The following KCNMA1 variants were observed in gnomAD, a reference collection of about 807,000 sequenced individuals.
KCNMA1 encodes the protein potassium calcium-activated channel subfamily M alpha 1.
A neutral mutation model predicts 140.0 loss-of-function variants in KCNMA1; 29 were observed. The ratio of observed to expected loss-of-function variants is 0.21; its 90% CI spans 0.15 to 0.28. The LOEUF is 0.28. Among genes scored for constraint, KCNMA1 ranks in the 10% least tolerant of loss-of-function variants. The probability of loss-of-function intolerance (pLI) is 1.00; values close to 1 mark genes in which losing one functional copy is unlikely to be tolerated. For synonymous variants in KCNMA1, 612 were observed against 611.9 expected, an observed-to-expected ratio of 1.00 and a Z score of 0.00; for missense variants, 880 against 1,602.2, an observed-to-expected ratio of 0.55 and a Z score of 7.70.
At chr10:77,452,090 A>T (rs1470424469) in intron 1 of KCNMA1, among the ~76,000 whole-genome samples, 1 of 152,208 alleles carries the variant, frequency 6.6e-6, no homozygotes, top group Non-Finnish European at 1.5e-5. Context: ...GTGCTTTTTA[A>T]CAAAATTCAA....
intron 2 of KCNMA1, among the ~76,000 whole-genome samples, chr10:77,337,601 C>T (rs1186768422): frequency 6.6e-6 from 1 of 152,174 alleles, no homozygotes; most frequent in African/African-American, 2.4e-5. Flanking sequence ...GCCTGGGTGA[C>T]AGAGTGAGAC....
intron 2 of KCNMA1, among the ~76,000 whole-genome samples, chr10:77,324,991 G>GTT (rs2083627272): frequency 6.6e-6 from 1 of 151,036 alleles, no homozygotes; most frequent in Admixed American, 6.6e-5. Flanking sequence ...GTGTGTGTGT[G>GTT]TGTGTGTGTG....
At chr10:77,527,557 T>C (rs1410040836) in intron 1 of KCNMA1, among the ~76,000 whole-genome samples, 5 of 152,134 alleles carry the variant, frequency 3.3e-5, no homozygotes, top group East Asian at 3.9e-4. Context: ...GGAGGTCCCA[T>C]GGGCATACCC....
intron 5 of KCNMA1, among the ~76,000 whole-genome samples, chr10:77,170,283 C>T (rs1160043844): frequency 6.6e-6 from 1 of 152,190 alleles, no homozygotes; most frequent in African/African-American, 2.4e-5. Flanking sequence ...CAGGCTTGGG[C>T]CCAGGCCTGG....
At chr10:77,611,811 C>A (rs2087003603) in intron 1 of KCNMA1, among the ~76,000 whole-genome samples, 1 of 152,118 alleles carries the variant, frequency 6.6e-6, no homozygotes, top group Admixed American at 6.5e-5. Flanking sequence ...ACACAGCAAG[C>A]ATTCATGGGG....
chr10:77,224,456 T>A (rs1228139564), intron 3 of KCNMA1, among the ~76,000 whole-genome samples: 3 of 152,154 alleles, frequency 2.0e-5, no homozygotes, highest in African/African-American at 7.2e-5. Context: ...TCTATGACAG[T>A]CTTTACACTA....
chr10:77,375,622 G>T (rs1183678047), intron 2 of KCNMA1, among the ~76,000 whole-genome samples: 1 of 152,176 alleles, frequency 6.6e-6, no homozygotes, highest in African/African-American at 2.4e-5. Context: ...TCAACACAGT[G>T]CCTCAGCCAT....
chr10:77,055,581 G>A (rs1594890282), intron 14 of KCNMA1, among the ~76,000 whole-genome samples: 1 of 151,936 alleles, frequency 6.6e-6, no homozygotes, highest in Non-Finnish European at 1.5e-5. Context: ...AGTAGCAGTG[G>A]TGACAATGCA....
chr10:77,555,915 A>G (rs1603635951), intron 1 of KCNMA1, among the ~76,000 whole-genome samples: 1 of 152,290 alleles, frequency 6.6e-6, no homozygotes, highest in East Asian at 1.9e-4. Context: ...TACATCTTTG[A>G]TCGTCACTAC....
chr10:77,271,580 AAT>A (rs910704203), intron 2 of KCNMA1, among the ~76,000 whole-genome samples: 2 of 152,252 alleles, frequency 1.3e-5, no homozygotes, highest in African/African-American at 4.8e-5. Flanking sequence ...TGAGTAAGTT[AAT>A]ATGTTTGTAA....
chr10:77,633,868 A>G (rs1002498257), intron 1 of KCNMA1, among the ~76,000 whole-genome samples: 1 of 152,204 alleles, frequency 6.6e-6, no homozygotes, highest in African/African-American at 2.4e-5. Context: ...AGAGAAGTAG[A>G]CCACATGCTG....
chr10:77,394,750 A>G (rs2095978244), intron 2 of KCNMA1, among the ~76,000 whole-genome samples: 2 of 152,148 alleles, frequency 1.3e-5, no homozygotes. Flanking sequence ...TCTATTACCT[A>G]TGCCATAGGT....
intron 1 of KCNMA1, among the ~76,000 whole-genome samples, chr10:77,458,664 G>A (rs1436665306): frequency 1.3e-5 from 2 of 152,214 alleles, no homozygotes; most frequent in South Asian, 2.1e-4. Context: ...ACCAGCTGGG[G>A]AGTGGGGAAA....
chr10:76,923,808 C>A (rs546580045), intron 23 of KCNMA1, among the ~76,000 whole-genome samples: 1 of 151,978 alleles, frequency 6.6e-6, no homozygotes, highest in East Asian at 1.9e-4. Context: ...CATGGTGAAA[C>A]CTCGTCTCTA....
rs2098608619 is a variant in KCNMA1, at chr10:77,164,371, G to T, written c.808+19050C>A. 2.0e-5 allele frequency among the ~76,000 whole-genome samples: 3 copies of T among 152,102 alleles called. No individual in the cohort carries two copies. In the South Asian group the frequency reaches 6.2e-4, roughly 32 times the overall value. ...AGAGATGACCTTGACTTCATAAATTGGCCATAAATTAGAGCTAAGAATCAG... is the reference window on the plus strand; with the variant it reads ...AGAGATGACCTTGACTTCATAAATTTGCCATAAATTAGAGCTAAGAATCAG... On this transcript the variant is annotated intron_variant, in intron 5 of 27. Coordinates refer to ENST00000286628, the MANE Select transcript of KCNMA1 (RefSeq NM_001161352.2).
At chr10:77,406,594 G>A (rs1426708634) in intron 1 of KCNMA1, among the ~76,000 whole-genome samples, 2 of 152,054 alleles carry the variant, frequency 1.3e-5, no homozygotes, top group East Asian at 3.9e-4. Flanking sequence ...GCCTACTTTG[G>A]GGACCACAGC....
chr10:77,171,979 T>G (rs992810866), intron 5 of KCNMA1, among the ~76,000 whole-genome samples: 3 of 152,198 alleles, frequency 2.0e-5, no homozygotes, highest in African/African-American at 7.2e-5. Flanking sequence ...AGAGGCAAGA[T>G]CTATGTTTTC....
chr10:77,411,848 A>T (rs1239031626), intron 1 of KCNMA1, among the ~76,000 whole-genome samples: 1 of 152,208 alleles, frequency 6.6e-6, no homozygotes, highest in African/African-American at 2.4e-5. Context: ...TCACATTGGA[A>T]ATGAGCGTGG....
At chr10:77,331,217 C>G (rs2086286292) in intron 2 of KCNMA1, among the ~76,000 whole-genome samples, 1 of 152,188 alleles carries the variant, frequency 6.6e-6, no homozygotes, top group Non-Finnish European at 1.5e-5. Flanking sequence ...AGCTGGCATA[C>G]TCTCAGGCCT....
Sources: allele counts gnomAD v4.1 joint callset (sites outside exome capture counted in the v4.1 genomes callset), GRCh38; gene constraint gnomAD v4.1.1; transcripts MANE v1.5; gene names NCBI Gene and HGNC (gene_info 2026-07-23, HGNC 2026-07-21).